The following KMT2C variants were observed in gnomAD, a reference collection of about 807,000 sequenced individuals.
The protein encoded by KMT2C is lysine methyltransferase 2C.
A neutral mutation model predicts 507.9 loss-of-function variants in KMT2C; 88 were observed. The ratio of observed to expected loss-of-function variants is 0.17; its 90% CI spans 0.15 to 0.21. The LOEUF (loss-of-function observed/expected upper bound fraction) is 0.21. KMT2C is among the 10% of genes least tolerant of loss of function. KMT2C has a pLI of 1.00. For missense variants in KMT2C, 4,954 were observed against 5,957.8 expected (o/e 0.83, Z 5.55); for synonymous variants, 2,049 against 2,080.8 (o/e 0.98, Z 0.42).
At chr7:152,228,297 A>T (rs926384732) in intron 18 of KMT2C, among the ~76,000 whole-genome samples, 38 of 152,210 alleles carry the variant, frequency 2.5e-4, no homozygotes, top group Non-Finnish European at 3.4e-4. Flanking sequence ...AAGTTTGAAA[A>T]TATCCACCTT....
rs1563205536 is a variant in KMT2C, at chr7:152,163,430, C to A, written c.10147G>T (p.Val3383Leu). 1 of 1,614,204 alleles carries A rather than the reference C, an allele frequency of 6.2e-7. No individual in the cohort carries two copies. The highest frequency in any genetic ancestry group is 8.5e-7 in the Non-Finnish European group (1 of 1,180,040). The change falls in exon 43 of 59, where the codon GTA becomes TTA. Residue 3383 changes from valine to leucine, a missense_variant. Coordinates refer to ENST00000262189, the MANE Select transcript of KMT2C (RefSeq NM_170606.3). The stretch of plus-strand genomic sequence containing the variant: ...AAGGGATTGTTGTCATCAAATTCTA[C>A]CCGAGGTGGTGGTCCACTCTGTGGA... Reference protein sequence around the residue: ...ANPQSGPPPRVEFDDNNPFSE... With the variant: ...ANPQSGPPPRLEFDDNNPFSE...
At chr7:152,345,334 T>G (rs1333444596) in intron 2 of KMT2C, among the ~76,000 whole-genome samples, 1 of 152,036 alleles carries the variant, frequency 6.6e-6, no homozygotes, top group East Asian at 1.9e-4. Context: ...CCCAGCTACT[T>G]GCGAAGCTGA....
At chr7:152,300,852 G>T (rs1321771932) in intron 6 of KMT2C, among the ~76,000 whole-genome samples, 2 of 152,098 alleles carry the variant, frequency 1.3e-5, no homozygotes, top group Non-Finnish European at 2.9e-5. Context: ...GAGGTCAAGA[G>T]ATTGAGACCA....
chr7:152,294,345 C>A (rs1393116310), intron 6 of KMT2C, among the ~76,000 whole-genome samples: 1 of 152,184 alleles, frequency 6.6e-6, no homozygotes, highest in Non-Finnish European at 1.5e-5. Flanking sequence ...AAAACAATTT[C>A]TTACTGTGTA....
At chr7:152,225,052 G>A (rs2094886627) in intron 18 of KMT2C, among the ~76,000 whole-genome samples, 1 of 152,104 alleles carries the variant, frequency 6.6e-6, no homozygotes, top group Non-Finnish European at 1.5e-5. Context: ...AGTTCTTAGG[G>A]ACATTTTATG....
chr7:152,177,662 T>C lies in KMT2C; in HGVS notation c.7791A>G (p.Pro2597=). Residue 2597 remains proline (P), a synonymous_variant, in exon 38 of 59, where the codon CCA becomes CCG. Coordinates refer to ENST00000262189, the MANE Select transcript of KMT2C (RefSeq NM_170606.3). ...CTGTGTGTCTAGGGCCCGGAAAGTCTGGCCGGGGAATGAAGTTTCCATGTC... is the reference window on the plus strand; with the variant it reads ...CTGTGTGTCTAGGGCCCGGAAAGTCCGGCCGGGGAATGAAGTTTCCATGTC... ...NLRHGNFIPR[P]DFPGPRHTDP... is the part of the protein sequence containing the mutation. The C allele has an allele frequency of 6.2e-7, 1 of 1,614,094 alleles. No individual in the cohort carries two copies. The highest frequency in any genetic ancestry group is 8.5e-7 in the Non-Finnish European group (1 of 1,180,018).
At position 152,250,905 on chromosome 7, in the gene KMT2C, T is replaced by C. The variant is rs2095552809; in HGVS notation, c.1683A>G (p.Ala561=). The C allele has an allele frequency of 1.9e-6, 3 of 1,611,870 alleles. No homozygotes were observed. Among genetic ancestry groups the C allele is most frequent in the Non-Finnish European group, 2.5e-6 (3 of 1,177,992 alleles). The part of the protein sequence containing the change: ...PEDQMVFSEQ[A]ANKDVNGQES... ...CCTGACCGTTGACATCTTTATTAGCTGCCTGCTCTGAGAATACCATTTGAT... is the reference window on the plus strand; with the variant it reads ...CCTGACCGTTGACATCTTTATTAGCCGCCTGCTCTGAGAATACCATTTGAT... Residue 561 remains alanine (A), a synonymous_variant, in exon 12 of 59, where the codon GCA becomes GCG. Transcript: ENST00000262189.
At chr7:152,285,659 A>AG (rs2096283906) in intron 6 of KMT2C, among the ~76,000 whole-genome samples, 3 of 152,236 alleles carry the variant, frequency 2.0e-5, no homozygotes, top group African/African-American at 7.2e-5. Context: ...TTGGAAAAAA[A>AG]GCAGAATATC....
At chr7:152,424,956 G>C (rs1403273878) in intron 1 of KMT2C, among the ~76,000 whole-genome samples, 1 of 152,138 alleles carries the variant, frequency 6.6e-6, no homozygotes, top group Non-Finnish European at 1.5e-5. Context: ...CTCAAGGCTT[G>C]TACCCAAAAA....
intron 1 of KMT2C, among the ~76,000 whole-genome samples, chr7:152,409,065 G>A (rs71258808): frequency 6.6e-6 from 1 of 151,228 alleles, no homozygotes; most frequent in East Asian, 2.0e-4. Context: ...GTGCAGTGGC[G>A]CCATCTCAAC....
chr7:152,255,238 C>T (rs1300103501), intron 9 of KMT2C, among the ~76,000 whole-genome samples: 4 of 149,538 alleles, frequency 2.7e-5, no homozygotes, highest in Non-Finnish European at 5.9e-5. Context: ...ATGATCATGG[C>T]TCACTGCAGC....
intron 23 of KMT2C, among the ~76,000 whole-genome samples, chr7:152,216,093 T>G (rs537603294): frequency 1.3e-5 from 2 of 152,120 alleles, no homozygotes; most frequent in African/African-American, 4.8e-5. Context: ...AGAGCCTCAG[T>G]GCAGTCCTAT....
At chr7:152,319,684 G>A (rs769462029) in intron 3 of KMT2C, among the ~76,000 whole-genome samples, 6 of 152,106 alleles carry the variant, frequency 3.9e-5, no homozygotes, top group African/African-American at 9.7e-5. Context: ...CTGTGATGCC[G>A]TGCTGCAGTG....
chr7:152,267,985 A>G (rs2129174988), intron 7 of KMT2C, among the ~76,000 whole-genome samples: 1 of 152,218 alleles, frequency 6.6e-6, no homozygotes, highest in African/African-American at 2.4e-5. Flanking sequence ...CCAGCCTTCA[A>G]AACTCTGCTC....
At chr7:152,331,547 TAC>T in intron 2 of KMT2C, among the ~76,000 whole-genome samples, 2 of 150,536 alleles carry the variant, frequency 1.3e-5, no homozygotes, top group East Asian at 3.9e-4. Context: ...CAGCGGAGGC[TAC>T]AGTGAGCTGT....
Position 152,138,697 on chromosome 7 carries a change from A to G in KMT2C, c.14643+99T>C, listed in dbSNP as rs1330002265. ...TTATGGACAGAGTTTTTATCACAAC[A>G]AAGAATTGGGAAACAAGTGAGTAAG... On this transcript the variant is annotated intron_variant, in intron 58 of 58. Transcript: ENST00000262189. This position sits in a 1 kb window ranked among gnomAD's most constrained non-coding sequence, Gnocchi z 4.2. 2 of 789,764 alleles carry G rather than the reference A, an allele frequency of 2.5e-6. No individual in the cohort carries two copies. Among genetic ancestry groups the G allele is most frequent in the African/African-American group, 1.7e-5 (1 of 57,466 alleles). 48.9% of individuals were successfully genotyped at this position (789,764 alleles called of 1,614,324 possible). A position where few individuals can be genotyped will look rare whatever the true frequency, so the allele number is the denominator to read the frequency against.
chr7:152,198,435 A>C (rs2094029893), intron 27 of KMT2C, among the ~76,000 whole-genome samples: 1 of 152,234 alleles, frequency 6.6e-6, no homozygotes, highest in Admixed American at 6.5e-5. Context: ...AAATGAGTTT[A>C]TAAAATTAAC....
chr7:152,351,962 ACAGCAATGTT>A (rs533186522), intron 2 of KMT2C, among the ~76,000 whole-genome samples: 127 of 152,368 alleles, frequency 8.3e-4, no homozygotes, highest in African/African-American at 2.9e-3. Flanking sequence ...GAACAGGATA[ACAGCAATGTT>A]CAGGGAACAA....
chr7:152,142,056 G>A (rs1016130490), intron 55 of KMT2C, among the ~76,000 whole-genome samples: 3 of 152,098 alleles, frequency 2.0e-5, no homozygotes, highest in African/African-American at 7.2e-5. Context: ...AAAAATGAGT[G>A]GGTTACTTCT....
Sources: allele counts gnomAD v4.1 joint callset (sites outside exome capture counted in the v4.1 genomes callset), GRCh38; gene constraint gnomAD v4.1.1; non-coding constraint Gnocchi (gnomAD v3.1); transcripts MANE v1.5; gene names NCBI Gene and HGNC (gene_info 2026-07-23, HGNC 2026-07-21).